The following EP300 variants were observed in gnomAD, a reference collection of about 807,000 sequenced individuals.
The protein encoded by EP300 is EP300 lysine acetyltransferase, also known as histone acetyltransferase p300.
Under a neutral mutation model 264.0 loss-of-function variants are expected in EP300, and 31 were observed. That is an observed-to-expected ratio of 0.12 (90% CI 0.09 to 0.16). The LOEUF is 0.16. Ranked by LOEUF, EP300 falls within the 10% of genes least tolerant of loss-of-function variation. EP300 has a pLI of 1.00. For synonymous variants in EP300, 1,340 were observed against 1,045.4 expected (o/e 1.28, Z -5.44); for missense variants, 2,766 against 3,052.9 (o/e 0.91, Z 2.21).
At chr22:41,165,123 CT>C (rs1221515308) in intron 22 of EP300, among the ~76,000 whole-genome samples, 2 of 152,252 alleles carry the variant, frequency 1.3e-5, no homozygotes, top group Non-Finnish European at 2.9e-5. Context: ...TTAGTGGATA[CT>C]TTATTTTCAG....
chr22:41,097,067 T>G (rs531162954), intron 1 of EP300, among the ~76,000 whole-genome samples: 1 of 152,252 alleles, frequency 6.6e-6, no homozygotes, highest in Non-Finnish European at 1.5e-5. Context: ...CATAAGAGTT[T>G]GCTTCTGGAG....
At chr22:41,142,366 A>T (rs1397958510) in intron 10 of EP300, among the ~76,000 whole-genome samples, 3 of 152,208 alleles carry the variant, frequency 2.0e-5, no homozygotes, top group African/African-American at 7.2e-5. Context: ...GGCCTTTAGC[A>T]GCCTCATTTG....
At chr22:41,114,299 A>C (rs1326995866) in intron 1 of EP300, among the ~76,000 whole-genome samples, 1 of 152,080 alleles carries the variant, frequency 6.6e-6, no homozygotes, top group African/African-American at 2.4e-5. Context: ...CTCCTTCCTC[A>C]GCCTCCCTAG....
chr22:41,168,354 G>T, intron 23 of EP300, 95 bp from the exon 24 acceptor site: 23 of 1,442,778 alleles, frequency 1.6e-5, no homozygotes, highest in Non-Finnish European at 2.2e-5. Flanking sequence ...TATCCTGTTT[G>T]TATTGAAAAA....
Position 41,177,279 on chromosome 22 carries a change from G to A in EP300, c.5568G>A (p.Thr1856=), listed in dbSNP as rs202043101. ...CTTCCCCCACTCCTGCCACTCCAAC[G>A]ACACCAACTGGCCAACAGCCAACCA... ...GLPSPTPATP[T]TPTGQQPTTP... The change falls in exon 31 of 31, where the codon ACG becomes ACA. Residue 1856 remains threonine, a synonymous_variant. Transcript: ENST00000263253. 95 of 1,613,974 alleles carry A rather than the reference G, an allele frequency of 5.9e-5. No individual in the cohort carries two copies. The highest frequency in any genetic ancestry group is 4.7e-4 in the Admixed American group (28 of 60,002).
intron 7 of EP300, among the ~76,000 whole-genome samples, 183 bp downstream of exon 7, chr22:41,136,089 C>T (rs963157166): frequency 6.6e-6 from 1 of 152,202 alleles, no homozygotes. Context: ...GGCATGATCT[C>T]AGCTCACTGC....
chr22:41,150,272 C>T (rs1376514453), intron 14 of EP300, 74 bp downstream of exon 14: 20 of 1,474,066 alleles, frequency 1.4e-5, no homozygotes, highest in Non-Finnish European at 1.8e-5. Flanking sequence ...GGGCCATTTC[C>T]ATTCTCTTTT....
At chr22:41,150,865 T>C (rs1417750113) in intron 14 of EP300, among the ~76,000 whole-genome samples, 2 of 149,214 alleles carry the variant, frequency 1.3e-5, no homozygotes, top group Non-Finnish European at 3.0e-5. Flanking sequence ...CACTCTAGCC[T>C]AGGCGACAGA....
chr22:41,114,124 G>A (rs1177995980), intron 1 of EP300, among the ~76,000 whole-genome samples: 1 of 152,088 alleles, frequency 6.6e-6, no homozygotes, highest in Non-Finnish European at 1.5e-5. Flanking sequence ...TATTAAGCAG[G>A]CATTTTTGAA....
At chr22:41,119,410 C>T (rs1462999045) in intron 2 of EP300, among the ~76,000 whole-genome samples, 1 of 151,942 alleles carries the variant, frequency 6.6e-6, no homozygotes, top group Non-Finnish European at 1.5e-5. Flanking sequence ...TTAAGTACCT[C>T]TTCTAGGATC....
chr22:41,162,014 G>C (rs1157728107), intron 20 of EP300, among the ~76,000 whole-genome samples: 2 of 152,188 alleles, frequency 1.3e-5, no homozygotes, highest in Admixed American at 1.3e-4. Context: ...TTACCAAATA[G>C]TCTAAACCTT....
chr22:41,141,357 A>G, intron 10 of EP300, 135 bp downstream of exon 10: 1 of 924,344 alleles, frequency 1.1e-6, no homozygotes, highest in Non-Finnish European at 1.6e-6. Context: ...TGCAAAGAAA[A>G]TAACTCATCT....
chr22:41,125,112 C>CTTTTT (rs930135062), intron 2 of EP300, among the ~76,000 whole-genome samples: 89 of 80,352 alleles, frequency 1.1e-3, no homozygotes, highest in Middle Eastern at 0.013. Context: ...CTTTTCTTTC[C>CTTTTT]TTTTTTTTTT....
chr22:41,164,326 CTTA>C (rs2059123580), intron 22 of EP300, among the ~76,000 whole-genome samples, 196 bp downstream of exon 22: 2 of 152,134 alleles, frequency 1.3e-5, no homozygotes, highest in African/African-American at 4.8e-5. Context: ...AGATTTTTAT[CTTA>C]TTTTTATGCA....
intron 1 of EP300, 25 bp downstream of exon 1, chr22:41,093,123 C>T (rs2145665946): frequency 1.2e-6 from 2 of 1,610,564 alleles, no homozygotes; most frequent in African/African-American, 2.7e-5. Flanking sequence ...CCCCGGCCTT[C>T]CACGTTCCCT....
intron 10 of EP300, 76 bp from the exon 11 acceptor site, chr22:41,146,663 G>A: frequency 1.6e-6 from 2 of 1,245,208 alleles, no homozygotes; most frequent in South Asian, 2.4e-5. Context: ...ATTTTGTGGG[G>A]TTTGTGTGTG....
At position 41,179,876 on chromosome 22, in the gene EP300, C is replaced by A. The variant is rs868459601; in HGVS notation, c.*920C>A. ...GCTTTCTTCCTCCTTACCCTACCCC[C>A]CACTCACACACACACACACACACAC... On this transcript the variant is annotated 3_prime_UTR_variant, in exon 31 of 31. Coordinates refer to ENST00000263253, the MANE Select transcript of EP300 (RefSeq NM_001429.4). 7.6e-5 allele frequency: 10 copies of A among 131,408 alleles called. No individual in the cohort carries two copies. The highest frequency in any genetic ancestry group is 4.5e-5 in the Non-Finnish European group (3 of 66,406). 8.1% of individuals were successfully genotyped at this position (131,408 alleles called of 1,614,324 possible).
At position 41,170,534 on chromosome 22, in the gene EP300, A is replaced by T. The variant is rs752425179; in HGVS notation, c.4415A>T (p.Asp1472Val). The T allele has an allele frequency of 6.2e-7, 1 of 1,614,132 alleles. No homozygotes were observed. Among genetic ancestry groups the T allele is most frequent in the Non-Finnish European group, 8.5e-7 (1 of 1,180,018 alleles). ...CAGGAATGGTACAAAAAAATGCTTG[A>T]CAAGGCTGTATCAGAGCGTATTGTC... ...RLQEWYKKML[D>V]KAVSERIVHD... Residue 1472 changes from aspartate (D) to valine (V), a missense_variant, in exon 27 of 31, where the codon GAC becomes GTC. Transcript: ENST00000263253.
At chr22:41,132,599 A>G (rs2058926893) in intron 6 of EP300, among the ~76,000 whole-genome samples, 1 of 152,104 alleles carries the variant, frequency 6.6e-6, no homozygotes, top group South Asian at 2.1e-4. Flanking sequence ...ACAATCTCTT[A>G]CAGATGGACA....
Sources: gnomAD v4.1 joint callset for allele counts (sites outside exome capture counted in the v4.1 genomes callset) on GRCh38, gnomAD v4.1.1 for gene constraint, MANE v1.5 for transcripts, NCBI Gene and HGNC (gene_info 2026-07-23, HGNC 2026-07-21) for gene names.